The following PIP5K1B variants were observed in gnomAD, a reference collection of about 807,000 sequenced individuals.
PIP5K1B encodes phosphatidylinositol-4-phosphate 5-kinase type 1 beta, also known as phosphatidylinositol 4-phosphate 5-kinase type-1 beta.
Under a neutral mutation model 67.0 loss-of-function variants are expected in PIP5K1B, and 42 were observed. The ratio of observed to expected loss-of-function variants is 0.63; its 90% CI spans 0.49 to 0.81. The LOEUF is 0.81. Ranked by LOEUF, PIP5K1B falls within the 30% of genes least tolerant of loss-of-function variation. The probability of loss-of-function intolerance (pLI) is 0.00; values close to 1 mark genes in which losing one functional copy is unlikely to be tolerated. For synonymous variants in PIP5K1B, 214 were observed against 231.4 expected (o/e 0.92, Z 0.68); for missense variants, 459 against 646.3 (o/e 0.71, Z 3.14).
At chr9:69,001,849 C>G (rs1361885450) in intron 15 of PIP5K1B, among the ~76,000 whole-genome samples, 3 of 152,194 alleles carry the variant, frequency 2.0e-5, no homozygotes, top group Non-Finnish European at 4.4e-5. Flanking sequence ...GCTGAAAAGT[C>G]CACTGCAGAA....
chr9:68,918,087 A>AT (rs200797718), intron 9 of PIP5K1B, among the ~76,000 whole-genome samples: 3,163 of 133,038 alleles, frequency 0.024, 102 homozygotes, highest in Middle Eastern at 0.044. Context: ...TTTATTGTTT[A>AT]TTTATTTATT....
intron 1 of PIP5K1B, among the ~76,000 whole-genome samples, chr9:68,717,683 ACCATCAT>A (rs1055705559): frequency 6.6e-6 from 1 of 152,062 alleles, no homozygotes; most frequent in African/African-American, 2.4e-5. Context: ...ACCTCCTAAT[ACCATCAT>A]CTTGGGGTTA....
At chr9:68,723,867 C>G (rs1828022616) in intron 1 of PIP5K1B, among the ~76,000 whole-genome samples, 1 of 151,818 alleles carries the variant, frequency 6.6e-6, no homozygotes, top group Non-Finnish European at 1.5e-5. Flanking sequence ...AGCTTTTCAG[C>G]TTGATGCAAT....
At chr9:68,928,427 T>A (rs1433107627) in intron 12 of PIP5K1B, among the ~76,000 whole-genome samples, 1 of 152,266 alleles carries the variant, frequency 6.6e-6, no homozygotes, top group East Asian at 1.9e-4. Flanking sequence ...GGATTCTTTT[T>A]AGTTAAGCCT....
intron 15 of PIP5K1B, among the ~76,000 whole-genome samples, chr9:69,007,929 T>C (rs902669412): frequency 6.6e-6 from 1 of 152,178 alleles, no homozygotes; most frequent in South Asian, 2.1e-4. Flanking sequence ...ATAATATTGC[T>C]TTCCCCACAT....
Position 68,788,367 on chromosome 9 carries a change from G to A in PIP5K1B, c.-85-30094G>A, listed in dbSNP as rs117251326. On this transcript the variant is annotated intron_variant, in intron 2 of 15. Transcript: ENST00000265382. ...TGTATTTTATGCCCTTAAAGGGTTT[G>A]TACTTTTCTCCATACATATCCAGAT... 7,888 of 933,208 alleles carry A rather than the reference G, an allele frequency of 8.5e-3. 143 individuals carry two copies. Among genetic ancestry groups the A allele is most frequent in the East Asian group, 0.056 (1,626 of 29,164 alleles). The allele number at this position is 933,208 out of a possible 1,614,324, so 57.8% of individuals were successfully genotyped here. A position where few individuals can be genotyped will look rare whatever the true frequency, so the allele number is the denominator to read the frequency against.
chr9:68,902,282 T>G (rs989938656), intron 8 of PIP5K1B, among the ~76,000 whole-genome samples: 2 of 152,224 alleles, frequency 1.3e-5, no homozygotes, highest in African/African-American at 4.8e-5. Flanking sequence ...TCACAACTCT[T>G]CCTAATCCTG....
At chr9:68,946,704 T>C (rs528436945) in intron 14 of PIP5K1B, among the ~76,000 whole-genome samples, 4 of 152,300 alleles carry the variant, frequency 2.6e-5, no homozygotes, top group South Asian at 2.1e-4. Context: ...TGTTCTTTTA[T>C]GTTTCTTAAT....
intron 2 of PIP5K1B, among the ~76,000 whole-genome samples, chr9:68,786,727 A>G (rs1372558769): frequency 6.6e-6 from 1 of 152,168 alleles, no homozygotes; most frequent in Non-Finnish European, 1.5e-5. Flanking sequence ...ATTTTATTCA[A>G]AGATTTAGGG....
chr9:68,771,591 A>G (rs1830672667), intron 2 of PIP5K1B, among the ~76,000 whole-genome samples: 1 of 152,244 alleles, frequency 6.6e-6, no homozygotes, highest in African/African-American at 2.4e-5. Context: ...TATCTATAAA[A>G]TAAGGGTAAG....
At chr9:69,004,331 G>T (rs1365081360) in intron 15 of PIP5K1B, among the ~76,000 whole-genome samples, 4 of 92,660 alleles carry the variant, frequency 4.3e-5, no homozygotes, top group Admixed American at 1.2e-4. Context: ...GTGTGTGTGT[G>T]TGTTTTTGTG....
intron 5 of PIP5K1B, among the ~76,000 whole-genome samples, chr9:68,864,196 A>G (rs144682886): frequency 3.7e-4 from 57 of 152,314 alleles, no homozygotes; most frequent in Middle Eastern, 3.4e-3. Flanking sequence ...GACTAATTCT[A>G]ATTAGTTGTG....
chr9:68,883,718 A>G (rs564054282), intron 6 of PIP5K1B, among the ~76,000 whole-genome samples: 2 of 152,126 alleles, frequency 1.3e-5, no homozygotes, highest in South Asian at 2.1e-4. Context: ...AGATGCCTAC[A>G]TCCTCAAGAT....
chr9:68,816,879 A>G (rs1320431259), intron 2 of PIP5K1B, among the ~76,000 whole-genome samples: 2 of 152,238 alleles, frequency 1.3e-5, no homozygotes, highest in Non-Finnish European at 1.5e-5. Context: ...TCTTCCAAAA[A>G]GGAAAAATTG....
intron 1 of PIP5K1B, among the ~76,000 whole-genome samples, chr9:68,731,533 C>T (rs968461348): frequency 1.3e-5 from 2 of 152,306 alleles, no homozygotes; most frequent in Non-Finnish European, 2.9e-5. Context: ...AAGGGGCTAA[C>T]GTTTTAGACT....
intron 14 of PIP5K1B, among the ~76,000 whole-genome samples, chr9:68,950,398 G>T (rs1041625333): frequency 6.6e-6 from 1 of 152,056 alleles, no homozygotes; most frequent in Non-Finnish European, 1.5e-5. Context: ...TGCAAATTTC[G>T]TCTCACCCTA....
chr9:68,814,688 C>T (rs1274865027), intron 2 of PIP5K1B, among the ~76,000 whole-genome samples: 3 of 151,840 alleles, frequency 2.0e-5, no homozygotes, highest in Admixed American at 1.3e-4. Context: ...GGTGTGGTGG[C>T]GTGCACCGGT....
chr9:68,750,446 CG>C (rs1274272726), intron 2 of PIP5K1B, among the ~76,000 whole-genome samples: 1 of 152,222 alleles, frequency 6.6e-6, no homozygotes, highest in Non-Finnish European at 1.5e-5. Context: ...TCGTCGGTGA[CG>C]TAGCTGTTGC....
chr9:68,733,364 T>C (rs1828548231), intron 1 of PIP5K1B, among the ~76,000 whole-genome samples: 1 of 152,152 alleles, frequency 6.6e-6, no homozygotes, highest in South Asian at 2.1e-4. Context: ...TTTTTCTCTG[T>C]TTGTTCATTT....
Sources: allele counts gnomAD v4.1 joint callset (sites outside exome capture counted in the v4.1 genomes callset), GRCh38; gene constraint gnomAD v4.1.1; transcripts MANE v1.5; gene names NCBI Gene and HGNC (gene_info 2026-07-23, HGNC 2026-07-21).